The following GOLIM4 variants were observed in gnomAD, a reference collection of about 807,000 sequenced individuals.
GOLIM4 encodes golgi integral membrane protein 4, also known as 130 kDa golgi-localized phosphoprotein.
A neutral mutation model predicts 107.4 loss-of-function variants in GOLIM4; 71 were observed. That is an observed-to-expected ratio of 0.66 (90% CI 0.55 to 0.81). The LOEUF (loss-of-function observed/expected upper bound fraction) is 0.81, where lower values mean the gene tolerates loss of function less well. GOLIM4 is among the 30% of genes least tolerant of loss of function. The probability of loss-of-function intolerance (pLI) is 0.00; values close to 1 mark genes in which losing one functional copy is unlikely to be tolerated. For synonymous variants in GOLIM4, 327 were observed against 294.8 expected, an observed-to-expected ratio of 1.11 and a Z score of -1.12; for missense variants, 830 against 826.1, an observed-to-expected ratio of 1.00 and a Z score of -0.06.
chr3:168,052,878 A>G (rs1719734166), intron 1 of GOLIM4, among the ~76,000 whole-genome samples: 1 of 152,184 alleles, frequency 6.6e-6, no homozygotes, highest in African/African-American at 2.4e-5. Context: ...AGCACCAAAC[A>G]AGTTTAAGGA....
At position 168,041,420 on chromosome 3, in the gene GOLIM4, T is replaced by C; in HGVS notation, c.572A>G (p.Asp191Gly). The change falls in exon 6 of 16, where the codon GAC (aspartate) becomes GGC (glycine). Residue 191 changes from aspartate (D) to glycine (G), a missense_variant. By Grantham distance (94) the Asp-to-Gly change is moderately conservative. Coordinates refer to ENST00000470487, the MANE Select transcript of GOLIM4 (RefSeq NM_014498.5). ...ENRQLRKAHQ[D>G]IHTQLQDVKQ... ...GACATCTTGAAGCTGTGTATGTATG[T>C]CTTGGTGTGCTTTCCTTAGTTGTCT... The C allele has an allele frequency of 6.3e-7, 1 of 1,594,584 alleles. No individual in the cohort carries two copies. Among genetic ancestry groups the C allele is most frequent in the Non-Finnish European group, 8.6e-7 (1 of 1,163,038 alleles).
intron 1 of GOLIM4, among the ~76,000 whole-genome samples, chr3:168,074,118 A>T (rs1056135411): frequency 4.6e-5 from 7 of 152,282 alleles, no homozygotes; most frequent in African/African-American, 1.7e-4. Context: ...ACACAGAGAG[A>T]AACAGGTATC....
chr3:168,070,292 C>T (rs1047809536), intron 1 of GOLIM4, among the ~76,000 whole-genome samples: 6 of 152,304 alleles, frequency 3.9e-5, no homozygotes, highest in Admixed American at 2.6e-4. Context: ...ACTCAGGAGG[C>T]TAAGGCAGGA....
intron 1 of GOLIM4, among the ~76,000 whole-genome samples, chr3:168,093,217 T>C (rs552159044): frequency 6.6e-6 from 1 of 152,376 alleles, no homozygotes; most frequent in East Asian, 1.9e-4. Context: ...TCATAGGCCG[T>C]TGAGGCAAAG....
intron 1 of GOLIM4, among the ~76,000 whole-genome samples, chr3:168,074,169 G>A (rs1017176188): frequency 9.2e-5 from 14 of 152,192 alleles, no homozygotes; most frequent in Admixed American, 6.5e-5. Context: ...GAGCTTGGGA[G>A]TGGATCCTCC....
chr3:168,028,155 G>C (rs984557055), intron 11 of GOLIM4, among the ~76,000 whole-genome samples: 1 of 152,166 alleles, frequency 6.6e-6, no homozygotes, highest in Admixed American at 6.5e-5. Context: ...CAGTTGATTG[G>C]ACACTGCTGA....
chr3:168,065,330 T>C (rs1266745693), intron 1 of GOLIM4, among the ~76,000 whole-genome samples: 1 of 152,252 alleles, frequency 6.6e-6, no homozygotes, highest in Non-Finnish European at 1.5e-5. Context: ...AGATTCAGTT[T>C]AGCACAATGC....
chr3:168,041,341 C>T, intron 6 of GOLIM4, 51 bp downstream of exon 6: 1 of 1,039,508 alleles, frequency 9.6e-7, no homozygotes, highest in Non-Finnish European at 1.5e-6. Context: ...AGTCATTCTA[C>T]CAAATAAAGC....
rs1286192002 is a variant in GOLIM4, at chr3:168,010,326, CTCT to C, written c.2031_2033del (p.Glu681del). 3.7e-6 allele frequency: 6 copies of C among 1,613,758 alleles called. No homozygotes were observed. Among genetic ancestry groups the C allele is most frequent in the East Asian group, 2.2e-5 (1 of 44,892 alleles). On this transcript the variant is annotated inframe_deletion, in exon 16 of 16. Coordinates refer to ENST00000470487, the MANE Select transcript of GOLIM4 (RefSeq NM_014498.5). Reference sequence around the variant, plus strand: ...CAACTGCAGCCCCGTCTTCTTCCTCCTCTTCTTCCTCCTCGTAGTGTTCCTCTC... The same window carrying C: ...CAACTGCAGCCCCGTCTTCTTCCTCCTCTTCCTCCTCGTAGTGTTCCTCTC...
intron 1 of GOLIM4, among the ~76,000 whole-genome samples, chr3:168,088,424 T>A (rs1721733436): frequency 6.6e-6 from 1 of 152,192 alleles, no homozygotes; most frequent in South Asian, 2.1e-4. Context: ...GGACTCATAC[T>A]CGTCACTTCA....
intron 2 of GOLIM4, 139 bp downstream of exon 2, chr3:168,048,152 A>G: frequency 1.5e-6 from 1 of 655,670 alleles, no homozygotes. Flanking sequence ...ATTACTTGAC[A>G]TGTCTTTCTC....
chr3:168,027,305 C>G (rs539739533), intron 12 of GOLIM4, among the ~76,000 whole-genome samples: 1 of 152,302 alleles, frequency 6.6e-6, no homozygotes, highest in South Asian at 2.1e-4. Context: ...AAATACCTAA[C>G]ACTCTAGCAG....
intron 1 of GOLIM4, among the ~76,000 whole-genome samples, chr3:168,080,226 G>T (rs1721284147): frequency 6.6e-6 from 1 of 152,136 alleles, no homozygotes; most frequent in African/African-American, 2.4e-5. Flanking sequence ...CTTCTGTCAG[G>T]TCACTGCTGT....
At chr3:168,075,895 C>G (rs1361930410) in intron 1 of GOLIM4, among the ~76,000 whole-genome samples, 1 of 152,140 alleles carries the variant, frequency 6.6e-6, no homozygotes, top group Non-Finnish European at 1.5e-5. Context: ...TGGTGATCTT[C>G]TAAAGGCCAA....
At chr3:168,072,741 G>A (rs985743088) in intron 1 of GOLIM4, among the ~76,000 whole-genome samples, 7 of 152,054 alleles carry the variant, frequency 4.6e-5, no homozygotes, top group Admixed American at 4.6e-4. Context: ...AAAATTAGAT[G>A]AAGCAACTTT....
chr3:168,085,023 G>A (rs1345595319), intron 1 of GOLIM4, among the ~76,000 whole-genome samples: 1 of 152,118 alleles, frequency 6.6e-6, no homozygotes. Flanking sequence ...GCAAAGTGCT[G>A]AAGATGTCAC....
intron 14 of GOLIM4, among the ~76,000 whole-genome samples, chr3:168,013,311 C>T (rs928865397): frequency 1.3e-5 from 2 of 151,824 alleles, no homozygotes; most frequent in Non-Finnish European, 2.9e-5. Context: ...ACATAATGGT[C>T]AAGGGATCAA....
intron 8 of GOLIM4, 62 bp downstream of exon 8, chr3:168,036,774 C>G (rs1265864798): frequency 1.2e-5 from 16 of 1,324,658 alleles, no homozygotes; most frequent in Admixed American, 6.6e-5. Context: ...AAAGCAGGTC[C>G]CCTCTTGGCA....
At chr3:168,023,025 T>C (rs1160706079) in intron 14 of GOLIM4, among the ~76,000 whole-genome samples, 1 of 152,208 alleles carries the variant, frequency 6.6e-6, no homozygotes, top group East Asian at 1.9e-4. Flanking sequence ...TTGATTCCTC[T>C]TGGATCTCAG....
Sources: gnomAD v4.1 joint callset for allele counts (sites outside exome capture counted in the v4.1 genomes callset) on GRCh38, gnomAD v4.1.1 for gene constraint, MANE v1.5 for transcripts, NCBI Gene and HGNC (gene_info 2026-07-23, HGNC 2026-07-21) for gene names.